The following MYH7 variants were observed in gnomAD, a reference collection of about 807,000 sequenced individuals.
MYH7 encodes the protein myosin-7.
In MYH7, 129 loss-of-function variants were observed where a neutral mutation model predicts 225.4. The ratio of observed to expected loss-of-function variants is 0.57; its 90% CI spans 0.50 to 0.66. MYH7 has a LOEUF of 0.66. MYH7 is among the 30% of genes least tolerant of loss of function. MYH7 has a pLI of 0.00. For missense variants in MYH7, 1,649 were observed against 2,517.0 expected, an observed-to-expected ratio of 0.66 and a Z score of 7.38; for synonymous variants, 971 against 1,007.6, an observed-to-expected ratio of 0.96 and a Z score of 0.69.
chr14:23,420,076 C>G lies in MYH7; in HGVS notation c.3495G>C (p.Lys1165Asn). The change falls in exon 27 of 40, where the codon AAG (lysine) becomes AAC (asparagine). Residue 1165 changes from lysine (K) to asparagine (N), a missense_variant. Physicochemically the swap from Lys to Asn is moderately conservative, Grantham distance 94. Around this residue, in one of 12 missense-constraint regions of MYH7, gnomAD observed 106 missense variants for 198.8 expected, o/e 0.53. Coordinates refer to ENST00000355349, the MANE Select transcript of MYH7 (RefSeq NM_000257.4). ...GATSVQIEMN[K>N]KREAEFQKMR... ...TCTTCTGGAACTCGGCCTCGCGCTT[C>G]TTGTTCATCTCGATCTGCACGGACG... 1 of 1,596,180 alleles carries G rather than the reference C, an allele frequency of 6.3e-7. No homozygotes were observed. The highest frequency in any genetic ancestry group is 8.5e-7 in the Non-Finnish European group (1 of 1,170,160).
At chr14:23,429,176 C>T (rs45521831) in intron 13 of MYH7, 53 bp downstream of exon 13, 1 of 1,613,844 alleles carries the variant, frequency 6.2e-7, no homozygotes, top group Non-Finnish European at 8.5e-7. Context: ...TCTCATCCCA[C>T]CATGCCAGTC....
rs760099439 is a variant in MYH7 at position 23,425,037 on chromosome 14, A to G, written c.2424-13T>C. The G allele has an allele frequency of 2.5e-6, 4 of 1,614,150 alleles. No individual in the cohort carries two copies. Among genetic ancestry groups the G allele is most frequent in the Middle Eastern group, 1.7e-4 (1 of 6,056 alleles). On this transcript the variant is annotated splice_polypyrimidine_tract_variant and intron_variant, in intron 21 of 39. Coordinates refer to ENST00000355349, the MANE Select transcript of MYH7 (RefSeq NM_000257.4). This position sits in a 1 kb window ranked among gnomAD's most constrained non-coding sequence, Gnocchi z 4.6. ...CAGCAGGGAGTCTCTGCAGGGGCCC[A>G]TTGAAAGGAGTGCTGAGCCTCCTGC...
At chr14:23,431,737 G>A (rs1892952097) in intron 7 of MYH7, 24 bp downstream of exon 7, 4 of 1,614,050 alleles carry the variant, frequency 2.5e-6, no homozygotes, top group Non-Finnish European at 3.4e-6. Context: ...TGCGGTACAG[G>A]ACCTTGGAGG....
At chr14:23,429,957 T>C (rs1892861231) in intron 11 of MYH7, 44 bp from the exon 12 acceptor site, 3 of 1,611,104 alleles carry the variant, frequency 1.9e-6, no homozygotes, top group African/African-American at 1.3e-5. Context: ...AAAAGAAGTA[T>C]GATGGGTAAG....
Position 23,428,997 on chromosome 14 carries a change from G to A in MYH7, c.1365C>T (p.Tyr455=), listed in dbSNP as rs1025444130. Residue 455 remains tyrosine (Y), a synonymous_variant, in exon 14 of 40, where the codon TAC becomes TAT. Coordinates refer to ENST00000355349, the MANE Select transcript of MYH7 (RefSeq NM_000257.4). ...CAGCGATGTCCAGGACTCCTATGAA[G>A]TACTGGCGTGGCTGCTTGGTCTCCA... ...ATLETKQPRQ[Y]FIGVLDIAGF... 6.2e-6 allele frequency: 10 copies of A among 1,614,116 alleles called. No homozygotes were observed. In the African/African-American group the frequency reaches 1.3e-4, roughly 22 times the overall value.
intron 16 of MYH7, 70 bp downstream of exon 16, chr14:23,427,515 C>A: frequency 6.3e-7 from 1 of 1,576,342 alleles, no homozygotes; most frequent in African/African-American, 1.3e-5. Context: ...TGGGGTGTAG[C>A]AATTGACCTG....
At position 23,423,938 on chromosome 14, in the gene MYH7, A is replaced by G. The variant is rs778517353; in HGVS notation, c.2891T>C (p.Val964Ala). 1.2e-6 allele frequency: 2 copies of G among 1,613,870 alleles called. No individual in the cohort carries two copies. The highest frequency in any genetic ancestry group is 1.1e-5 in the South Asian group (1 of 91,046). Residue 964 changes from valine to alanine, a missense_variant, in exon 23 of 40, where the codon GTG becomes GCG. By Grantham distance (64) the Val-to-Ala change is moderately conservative. Transcript: ENST00000355349. ...IDDLELTLAK[V>A]EKEKHATENK... ...CTCTGTTGCGTGTTTCTCCTTCTCC[A>G]CTTTGGCCAGTGTCAGCTCCAGATC...
At chr14:23,428,390 C>T in intron 15 of MYH7, 110 bp downstream of exon 15, 1 of 1,556,106 alleles carries the variant, frequency 6.4e-7, no homozygotes. Context: ...TCGGATCCTT[C>T]AGCCCCTTCT....
intron 12 of MYH7, 83 bp from the exon 13 acceptor site, chr14:23,429,430 C>A: frequency 7.3e-7 from 1 of 1,361,692 alleles, no homozygotes; most frequent in South Asian, 1.2e-5. Context: ...AATCCCAGCA[C>A]TTTGGGAGGC....
chr14:23,423,032 G>A (rs954780354), intron 24 of MYH7, among the ~76,000 whole-genome samples: 1 of 152,196 alleles, frequency 6.6e-6, no homozygotes, highest in African/African-American at 2.4e-5. Context: ...CCTATCTAAA[G>A]GAAGCTTGTA....
intron 12 of MYH7, among the ~76,000 whole-genome samples, 160 bp downstream of exon 12, chr14:23,429,615 G>A (rs1892843757): frequency 6.6e-6 from 1 of 151,588 alleles, no homozygotes; most frequent in Non-Finnish European, 1.5e-5. Flanking sequence ...TGTGGAGGTG[G>A]CAGTGAGCCA....
Position 23,415,857 on chromosome 14 carries a change from A to G in MYH7, c.4954-25T>C, listed in dbSNP as rs1465441121. Reference sequence around the variant, plus strand: ...CCTGAGGATCAGGAGAGTGGGCATGAGCAGGGAGCCAGCCTCGGTTCCCTT... The same window carrying G: ...CCTGAGGATCAGGAGAGTGGGCATGGGCAGGGAGCCAGCCTCGGTTCCCTT... On this transcript the variant is annotated intron_variant, in intron 34 of 39. Transcript: ENST00000355349. This position sits in a 1 kb window ranked among gnomAD's most constrained non-coding sequence, Gnocchi z 6.3. 9 of 1,614,006 alleles carry G rather than the reference A, an allele frequency of 5.6e-6. No individual in the cohort carries two copies.
At chr14:23,421,910 A>C (rs778626721) in intron 25 of MYH7, 29 of 516,930 alleles carry the variant, frequency 5.6e-5, no homozygotes, top group Non-Finnish European at 7.2e-5. Context: ...TGAAGGGGGA[A>C]GGCTGTTATT....
chr14:23,420,460 T>C (rs889804704), intron 26 of MYH7, among the ~76,000 whole-genome samples: 1 of 152,216 alleles, frequency 6.6e-6, no homozygotes, highest in Non-Finnish European at 1.5e-5. Context: ...TGAAACTTGC[T>C]CTTAAAGATG....
intron 26 of MYH7, 71 bp downstream of exon 26, chr14:23,420,887 C>T: frequency 1.7e-6 from 2 of 1,174,388 alleles, no homozygotes; most frequent in Admixed American, 3.4e-5. Context: ...ACAGGACACC[C>T]TAGAGGAGGG....
intron 28 of MYH7, 26 bp downstream of exon 28, chr14:23,419,457 C>T: frequency 6.2e-7 from 1 of 1,613,312 alleles, no homozygotes; most frequent in Non-Finnish European, 8.5e-7. Context: ...GTGGTGGGAA[C>T]CATGGAGCCC....
At chr14:23,420,560 G>A (rs924889289) in intron 26 of MYH7, among the ~76,000 whole-genome samples, 1 of 152,204 alleles carries the variant, frequency 6.6e-6, no homozygotes, top group Non-Finnish European at 1.5e-5. Context: ...GTATTTGTCT[G>A]ACCAGACAAC....
In MYH7 at chr14:23,433,502, G is replaced by C. The variant is rs751099019; in HGVS notation, c.201+30C>G. The C allele has an allele frequency of 2.5e-6, 4 of 1,609,908 alleles. No individual in the cohort carries two copies. The highest frequency in any genetic ancestry group is 3.4e-6 in the Non-Finnish European group (4 of 1,177,782). ...TCCACCCAGGTGTACAGGTGGCCAG[G>C]GTGGACTCTCACATCAGCCTGACAC... On this transcript the variant is annotated intron_variant, in intron 3 of 39. Coordinates refer to ENST00000355349, the MANE Select transcript of MYH7 (RefSeq NM_000257.4). The surrounding 1 kb of genome is among the most constrained non-coding windows in gnomAD (Gnocchi z 4.1).
rs746119986 is a variant in MYH7, at chr14:23,433,655, C to T, written c.78G>A (p.Ala26=). The stretch of plus-strand genomic sequence containing the variant: ...TCTTGAGGTCAAAAGGCCTGGTCTG[C>T]GCTTCTAGCCGCTCCTTCTCTGACT... ...LRKSEKERLE[A]QTRPFDLKKD... is the part of the protein sequence containing the mutation. Residue 26 remains alanine (A), a synonymous_variant, in exon 3 of 40, where the codon GCG becomes GCA. Transcript: ENST00000355349. The surrounding 1 kb of genome is among the most constrained non-coding windows in gnomAD (Gnocchi z 4.1). 18 of 1,614,144 alleles carry T rather than the reference C, an allele frequency of 1.1e-5. No homozygotes were observed. The Admixed American group carries it at 1.5e-4, about 13-fold the overall frequency.
Sources: allele counts gnomAD v4.1 joint callset (sites outside exome capture counted in the v4.1 genomes callset), GRCh38; gene constraint gnomAD v4.1.1; regional missense constraint gnomAD v4.1.1; non-coding constraint Gnocchi (gnomAD v3.1); transcripts MANE v1.5; gene names NCBI Gene and HGNC (gene_info 2026-07-23, HGNC 2026-07-21).